Variants in ZFHX4 observed in about 807,000 individuals in gnomAD.
The protein encoded by ZFHX4 is zinc finger homeobox protein 4.
A neutral mutation model predicts 267.6 loss-of-function variants in ZFHX4; 56 were observed. That is an observed-to-expected ratio of 0.21 (90% CI 0.17 to 0.26). ZFHX4 has a LOEUF of 0.26. ZFHX4 is among the 10% of genes least tolerant of loss of function. The probability of loss-of-function intolerance (pLI) is 1.00; values close to 1 mark genes in which losing one functional copy is unlikely to be tolerated. For missense variants in ZFHX4, 4,332 were observed against 4,420.0 expected (o/e 0.98, Z 0.56); for synonymous variants, 1,778 against 1,665.6 (o/e 1.07, Z -1.64).
intron 3 of ZFHX4, among the ~76,000 whole-genome samples, chr8:76,741,134 A>C (rs1454280005): frequency 6.6e-6 from 1 of 152,112 alleles, no homozygotes; most frequent in Non-Finnish European, 1.5e-5. Context: ...ACTAAGGAAA[A>C]CCTGCTAGGA....
In ZFHX4 at chr8:76,704,120, G is replaced by A. The variant is rs758273494; in HGVS notation, c.32G>A (p.Arg11Lys). METCDSPPIS[R>K]QENGQSTSKL... is the part of the protein sequence containing the mutation. ...ACCTGTGACTCCCCTCCTATCTCAA[G>A]GCAGGAAAATGGGCAGAGCACATCA... is the stretch of plus-strand genomic sequence containing the variant. The change falls in exon 2 of 11, where the codon AGG (arginine) becomes AAG (lysine). Residue 11 changes from arginine to lysine, a missense_variant. By Grantham distance (26) the Arg-to-Lys change is conservative (BLOSUM62 2). This residue lies in a region of ZFHX4 where 1,195 missense variants were observed against 1,173.6 expected (regional missense o/e 1.02). Transcript: ENST00000651372. 1 of 1,613,020 alleles carries A rather than the reference G, an allele frequency of 6.2e-7. No individual in the cohort carries two copies. The highest frequency in any genetic ancestry group is 8.5e-7 in the Non-Finnish European group (1 of 1,179,340).
At chr8:76,822,833 C>T (rs888222490) in intron 4 of ZFHX4, among the ~76,000 whole-genome samples, 3 of 152,038 alleles carry the variant, frequency 2.0e-5, no homozygotes, top group Non-Finnish European at 4.4e-5. Flanking sequence ...TACCCTTCAT[C>T]GTCCGTACTC....
rs922536343 is a variant in ZFHX4, at chr8:76,788,046, A to G, written c.3325+9607A>G. 3.9e-5 allele frequency among the ~76,000 whole-genome samples: 6 copies of G among 152,216 alleles called. 1 individual carries two copies. The highest frequency in any genetic ancestry group is 2.0e-4 in the Admixed American group (3 of 15,304). ...TTATTTTATAAATAAGAAAATTGAG[A>G]ATGCTTTTAGGCTAAATGATTTACA... On this transcript the variant is annotated intron_variant, in intron 4 of 10. Coordinates refer to ENST00000651372, the MANE Select transcript of ZFHX4 (RefSeq NM_024721.5).
At chr8:76,730,436 C>T (rs1403109745) in intron 3 of ZFHX4, among the ~76,000 whole-genome samples, 2 of 152,182 alleles carry the variant, frequency 1.3e-5, no homozygotes, top group Non-Finnish European at 2.9e-5. Flanking sequence ...CACAGTGGCT[C>T]ATGCCTGTAA....
At position 76,854,578 on chromosome 8, in the gene ZFHX4, G is replaced by T; in HGVS notation, c.7657G>T (p.Gly2553Cys). Residue 2553 changes from glycine to cysteine, a missense_variant, in exon 10 of 11, where the codon GGC (glycine) becomes TGC (cysteine). Coordinates refer to ENST00000651372, the MANE Select transcript of ZFHX4 (RefSeq NM_024721.5). ...TCCGCTGATGACTGGACAACTGCTGGGCAGTTCCCTCACTCAAATGCCCCC... is the reference window on the plus strand; with the variant it reads ...TCCGCTGATGACTGGACAACTGCTGTGCAGTTCCCTCACTCAAATGCCCCC... ...NNPLMTGQLL[G>C]SSLTQMPPQA... 6.2e-7 allele frequency: 1 copy of T among 1,613,526 alleles called. No individual in the cohort carries two copies. Among genetic ancestry groups the T allele is most frequent in the Non-Finnish European group, 8.5e-7 (1 of 1,179,810 alleles).
At chr8:76,828,443 G>C (rs756851138) in intron 4 of ZFHX4, among the ~76,000 whole-genome samples, 1 of 152,120 alleles carries the variant, frequency 6.6e-6, no homozygotes, top group Non-Finnish European at 1.5e-5. Flanking sequence ...AACTGTCTGA[G>C]CTTTGATATC....
At position 76,861,120 on chromosome 8, in the gene ZFHX4, T is replaced by C. The variant is rs578120096; in HGVS notation, c.9380-1974T>C. Among the ~76,000 whole-genome samples, 10 of 152,196 alleles carry C rather than the reference T, an allele frequency of 6.6e-5. No individual in the cohort carries two copies. The South Asian group carries it at 2.1e-3, about 31-fold the overall frequency. ...ATTCATTCCTATCATATACCAGTAA[T>C]GCTTGGGCCATCTTTATTTAAATTT... is the stretch of plus-strand genomic sequence containing the variant. On this transcript the variant is annotated intron_variant, in intron 10 of 10. Coordinates refer to ENST00000651372, the MANE Select transcript of ZFHX4 (RefSeq NM_024721.5).
At chr8:76,743,766 G>A (rs1378311564) in intron 3 of ZFHX4, among the ~76,000 whole-genome samples, 1 of 152,206 alleles carries the variant, frequency 6.6e-6, no homozygotes, top group African/African-American at 2.4e-5. Context: ...AGGAGCAGAT[G>A]TATTAAGAAA....
chr8:76,742,505 C>A (rs959434691), intron 3 of ZFHX4, among the ~76,000 whole-genome samples: 3 of 152,060 alleles, frequency 2.0e-5, no homozygotes, highest in African/African-American at 7.2e-5. Flanking sequence ...GCACTTAATA[C>A]TACTCTTCAA....
intron 4 of ZFHX4, among the ~76,000 whole-genome samples, chr8:76,789,781 G>A (rs1810785774): frequency 6.6e-6 from 1 of 152,044 alleles, no homozygotes; most frequent in Admixed American, 6.6e-5. Flanking sequence ...GAAATAATAG[G>A]CTGTTTCATT....
Position 76,778,286 on chromosome 8 carries a change from G to A in ZFHX4, c.3172G>A (p.Val1058Ile), listed in dbSNP as rs767721082. 2 of 1,613,688 alleles carry A rather than the reference G, an allele frequency of 1.2e-6. No individual in the cohort carries two copies. Among genetic ancestry groups the A allele is most frequent in the Non-Finnish European group, 1.7e-6 (2 of 1,179,788 alleles). ...TGCCGTGTGTGATTACACCACCAAGGTCAAGTTGAATCTGGTACAACATGT... is the reference window on the plus strand; with the variant it reads ...TGCCGTGTGTGATTACACCACCAAGATCAAGTTGAATCTGGTACAACATGT... The part of the protein sequence containing the change: ...YCAVCDYTTK[V>I]KLNLVQHVRS... The change falls in exon 4 of 11, where the codon GTC becomes ATC. Residue 1058 changes from valine (V) to isoleucine (I), a missense_variant. Around this residue, in one of 7 missense-constraint regions of ZFHX4, gnomAD observed 1,371 missense variants for 1,423.1 expected, o/e 0.96. Transcript: ENST00000651372.
At chr8:76,789,872 C>T (rs922123737) in intron 4 of ZFHX4, among the ~76,000 whole-genome samples, 4 of 152,056 alleles carry the variant, frequency 2.6e-5, no homozygotes, top group African/African-American at 9.7e-5. Flanking sequence ...GATATGAATG[C>T]ACGACAGAAT....
At chr8:76,785,871 C>T (rs1184756618) in intron 4 of ZFHX4, among the ~76,000 whole-genome samples, 1 of 152,100 alleles carries the variant, frequency 6.6e-6, no homozygotes, top group Non-Finnish European at 1.5e-5. Context: ...TTGTATGGAT[C>T]TTTTGCCAAT....
chr8:76,742,845 A>G (rs1054109281), intron 3 of ZFHX4, among the ~76,000 whole-genome samples: 1 of 152,142 alleles, frequency 6.6e-6, no homozygotes, highest in Non-Finnish European at 1.5e-5. Flanking sequence ...GCCCTCATCA[A>G]GCAACCCAGC....
chr8:76,840,282 G>A (rs1812201501), intron 5 of ZFHX4, among the ~76,000 whole-genome samples: 1 of 152,186 alleles, frequency 6.6e-6, no homozygotes, highest in Admixed American at 6.5e-5. Context: ...GAGCCAGGCA[G>A]TTATGGCCTC....
In ZFHX4 at chr8:76,706,313, C is replaced by G. The variant is rs1456233254; in HGVS notation, c.2225C>G (p.Ser742Cys). 8 of 1,614,006 alleles carry G rather than the reference C, an allele frequency of 5.0e-6. No individual in the cohort carries two copies. The highest frequency in any genetic ancestry group is 6.8e-6 in the Non-Finnish European group (8 of 1,179,992). ...AATGGTGAGCAGGTGTTTGGCCACTCTGCCCCAGCCCCCAACACCAGCCTC... is the reference window on the plus strand; with the variant it reads ...AATGGTGAGCAGGTGTTTGGCCACTGTGCCCCAGCCCCCAACACCAGCCTC... The part of the protein sequence containing the change: ...NGNGEQVFGH[S>C]APAPNTSLSG... Residue 742 changes from serine to cysteine, a missense_variant, in exon 2 of 11, where the codon TCT becomes TGT. Coordinates refer to ENST00000651372, the MANE Select transcript of ZFHX4 (RefSeq NM_024721.5).
At chr8:76,748,668 T>A (rs945574868) in intron 3 of ZFHX4, among the ~76,000 whole-genome samples, 5 of 152,172 alleles carry the variant, frequency 3.3e-5, no homozygotes, top group Admixed American at 3.3e-4. Context: ...ACTCCTGGCC[T>A]CAAGTGATCC....
At chr8:76,782,931 A>G (rs1240571190) in intron 4 of ZFHX4, among the ~76,000 whole-genome samples, 2 of 152,048 alleles carry the variant, frequency 1.3e-5, no homozygotes, top group Non-Finnish European at 2.9e-5. Context: ...ACTAAAGTGC[A>G]AGTTATTCTT....
intron 5 of ZFHX4, among the ~76,000 whole-genome samples, chr8:76,836,859 A>C (rs542428886): frequency 6.6e-6 from 1 of 152,244 alleles, no homozygotes; most frequent in African/African-American, 2.4e-5. Flanking sequence ...GAAAATGTAA[A>C]GTAGATGGAT....
Sources: allele counts gnomAD v4.1 joint callset (sites outside exome capture counted in the v4.1 genomes callset), GRCh38; gene constraint gnomAD v4.1.1; regional missense constraint gnomAD v4.1.1; transcripts MANE v1.5; gene names NCBI Gene and HGNC (gene_info 2026-07-23, HGNC 2026-07-21).